Variants in KRTAP29-1 observed in about 807,000 individuals in gnomAD.
The protein encoded by KRTAP29-1 is keratin associated like protein 29-1.
For synonymous variants in KRTAP29-1, 142 were observed against 153.6 expected (o/e 0.92, Z 0.56); for missense variants, 419 against 412.1 (o/e 1.02, Z -0.14).
rs1478722078 is a variant in KRTAP29-1, at chr17:41,302,787, T to C, written c.65A>G (p.Tyr22Cys). 1 of 1,550,580 alleles carries C rather than the reference T, an allele frequency of 6.4e-7. No individual in the cohort carries two copies. The highest frequency in any genetic ancestry group is 2.4e-5 in the East Asian group (1 of 40,914). Residue 22 changes from tyrosine (Y) to cysteine (C), a missense_variant, in exon 1 of 1, where the codon TAC (tyrosine) becomes TGC (cysteine). Physicochemically the swap from Tyr to Cys is radical, Grantham distance 194 (BLOSUM62 -2). Transcript: ENST00000391353. ...ATGTCGAAATCCACCTTTAACTGGG[T>C]ATGTGGTGATGGTGGGCACAGCTGG... is the stretch of plus-strand genomic sequence containing the variant. ...AIPAVPTITT[Y>C]PVKGGFRHAL...
rs544481991 is a variant in KRTAP29-1, at chr17:41,302,436, C to G, written c.416G>C (p.Gly139Ala). 1 of 1,550,530 alleles carries G rather than the reference C, an allele frequency of 6.4e-7. No individual in the cohort carries two copies. Among genetic ancestry groups the G allele is most frequent in the South Asian group, 1.2e-5 (1 of 84,052 alleles). ...TTGGCCACAAGCTGCCTGACATGAT[C>G]CAGACATGCAGACAGATTCCTGGCA... Reference protein sequence around the residue: ...SSCQESVCMSGSCQAACGQSV... With the variant: ...SSCQESVCMSASCQAACGQSV... Residue 139 changes from glycine to alanine, a missense_variant, in exon 1 of 1, where the codon GGA becomes GCA. By Grantham distance (60) the Gly-to-Ala change is moderately conservative. Coordinates refer to ENST00000391353, the MANE Select transcript of KRTAP29-1 (RefSeq NM_001257309.1).
At position 41,302,478 on chromosome 17, in the gene KRTAP29-1, G is replaced by C. The variant is rs1421635309; in HGVS notation, c.374C>G (p.Pro125Arg). Residue 125 changes from proline (P) to arginine (R), a missense_variant, in exon 1 of 1, where the codon CCC becomes CGC. By Grantham distance (103) the Pro-to-Arg change is moderately radical. Coordinates refer to ENST00000391353, the MANE Select transcript of KRTAP29-1 (RefSeq NM_001257309.1). Reference protein sequence around the residue: ...CCQEKCCDASPCQQSSCQESV... With the variant: ...CCQEKCCDASRCQQSSCQESV... ...TTCCTGGCAGGAGCTTTGCTGGCAG[G>C]GACTGGCATCGCAGCACTTTTCCTG... is the stretch of plus-strand genomic sequence containing the variant. 1.9e-6 allele frequency: 3 copies of C among 1,550,378 alleles called. No individual in the cohort carries two copies. Among genetic ancestry groups the C allele is most frequent in the Non-Finnish European group, 2.6e-6 (3 of 1,146,950 alleles).
chr17:41,302,422 CT>C, the KRTAP29-1 span: 1 of 1,550,568 alleles, frequency 6.4e-7, no homozygotes, highest in South Asian at 1.2e-5. Context: ...TGGCCACAAG[CT>C]GCCTGACATG....
At position 41,302,031 on chromosome 17, in the gene KRTAP29-1, T is replaced by C; in HGVS notation, c.821A>G (p.Lys274Arg). 1 of 1,550,602 alleles carries C rather than the reference T, an allele frequency of 6.4e-7. No individual in the cohort carries two copies. Among genetic ancestry groups the C allele is most frequent in the South Asian group, 1.2e-5 (1 of 84,062 alleles). The change falls in exon 1 of 1, where the codon AAG becomes AGG. Residue 274 changes from lysine to arginine, a missense_variant. Transcript: ENST00000391353. ...ACAAGAAGCTGGTTTGCAACAGTTCTTTGTGGAACAAGGGGCCTGGCAGTT... is the reference window on the plus strand; with the variant it reads ...ACAAGAAGCTGGTTTGCAACAGTTCCTTGTGGAACAAGGGGCCTGGCAGTT... Reference protein sequence around the residue: ...VANCQAPCSTKNCCKPASCDT... With the variant: ...VANCQAPCSTRNCCKPASCDT...
Position 41,302,754 on chromosome 17 carries a change from C to G in KRTAP29-1, c.98G>C (p.Cys33Ser), listed in dbSNP as rs772527367. 3.2e-6 allele frequency: 5 copies of G among 1,550,684 alleles called. No homozygotes were observed. The highest frequency in any genetic ancestry group is 1.2e-5 in the South Asian group (1 of 84,060). The change falls in exon 1 of 1, where the codon TGT becomes TCT. Residue 33 changes from cysteine (C) to serine (S), a missense_variant. Physicochemically the swap from Cys to Ser is moderately radical, Grantham distance 112. Transcript: ENST00000391353. ...TCTGCTGTGGCAGGAACTAGGCAAA[C>G]AGAGAGCATGTCGAAATCCACCTTT... ...PVKGGFRHAL[C>S]LPSSCHSRMW...
In KRTAP29-1 at chr17:41,301,931, G is replaced by A. The variant is rs1213548070; in HGVS notation, c.921C>T (p.Cys307=). ...GTGATGTGCCTAAACCAGTCACACA[G>A]CAAGCTGATTTGCAGCCACTCTGGT... The part of the protein sequence containing the change: ...SYNQSGCKSA[C]CVTGLGTSPS... The change falls in exon 1 of 1, where the codon TGC becomes TGT. Residue 307 remains cysteine, a synonymous_variant. Transcript: ENST00000391353. 2 of 1,550,500 alleles carry A rather than the reference G, an allele frequency of 1.3e-6. No individual in the cohort carries two copies. Among genetic ancestry groups the A allele is most frequent in the Admixed American group, 3.9e-5 (2 of 50,996 alleles).
Position 41,302,025 on chromosome 17 carries a change from C to T in KRTAP29-1, c.827G>A (p.Cys276Tyr). 1.9e-6 allele frequency: 3 copies of T among 1,550,566 alleles called. No individual in the cohort carries two copies. The highest frequency in any genetic ancestry group is 8.7e-7 in the Non-Finnish European group (1 of 1,147,000). Residue 276 changes from cysteine to tyrosine, a missense_variant, in exon 1 of 1, where the codon TGT becomes TAT. Physicochemically the swap from Cys to Tyr is radical, Grantham distance 194 (BLOSUM62 -2). Coordinates refer to ENST00000391353, the MANE Select transcript of KRTAP29-1 (RefSeq NM_001257309.1). The part of the protein sequence containing the change: ...NCQAPCSTKN[C>Y]CKPASCDTVI... Reference sequence around the variant, plus strand: ...AGTGTCACAAGAAGCTGGTTTGCAACAGTTCTTTGTGGAACAAGGGGCCTG... The same window carrying T: ...AGTGTCACAAGAAGCTGGTTTGCAATAGTTCTTTGTGGAACAAGGGGCCTG...
At chr17:41,302,227 TG>T in the KRTAP29-1 span, 2 of 1,550,134 alleles carry the variant, frequency 1.3e-6, no homozygotes, top group Admixed American at 3.9e-5. Context: ...ATATAGCAGA[TG>T]GGTTGATAAT....
Position 41,302,192 on chromosome 17 carries a change from G to A in KRTAP29-1, c.660C>T (p.Leu220=). The change falls in exon 1 of 1, where the codon CTC becomes CTT. Residue 220 remains leucine (L), a synonymous_variant. Coordinates refer to ENST00000391353, the MANE Select transcript of KRTAP29-1 (RefSeq NM_001257309.1). The part of the protein sequence containing the change: ...CYIFKPCQSA[L]YMPVPCQPST... The stretch of plus-strand genomic sequence containing the variant: ...ATGGCTGGCAGGGAACAGGCATGTA[G>A]AGGGCTGATTGGCAAGGCTTGAAAA... 1 of 1,550,632 alleles carries A rather than the reference G, an allele frequency of 6.4e-7. No homozygotes were observed.
Position 41,302,411 on chromosome 17 carries a change from T to C in KRTAP29-1, c.441A>G (p.Gln147=), listed in dbSNP as rs1161381528. ...AGGATCCAGCATCACAGCAGACTGATTGGCCACAAGCTGCCTGACATGATC... is the reference window on the plus strand; with the variant it reads ...AGGATCCAGCATCACAGCAGACTGACTGGCCACAAGCTGCCTGACATGATC... ...MSGSCQAACG[Q]SVCCDAGSCQ... is the part of the protein sequence containing the mutation. Residue 147 remains glutamine, a synonymous_variant, in exon 1 of 1, where the codon CAA becomes CAG. Transcript: ENST00000391353. 2.6e-6 allele frequency: 4 copies of C among 1,550,380 alleles called. No individual in the cohort carries two copies. The highest frequency in any genetic ancestry group is 3.5e-6 in the Non-Finnish European group (4 of 1,146,974).
chr17:41,302,785 G>GGTAT, the KRTAP29-1 span: 1 of 1,550,808 alleles, frequency 6.4e-7, no homozygotes, highest in Non-Finnish European at 8.7e-7. Flanking sequence ...CCTTTAACTG[G>GGTAT]GTATGTGGTG....
Position 41,302,372 on chromosome 17 carries a change from G to A in KRTAP29-1, c.480C>T (p.Cys160=), listed in dbSNP as rs2016843544. The change falls in exon 1 of 1, where the codon TGC becomes TGT. Residue 160 remains cysteine (C), a synonymous_variant. Coordinates refer to ENST00000391353, the MANE Select transcript of KRTAP29-1 (RefSeq NM_001257309.1). ...CCDAGSCQPS[C]SEVTSCPETS... ...TTTCCGGACAGGAGGTCACTTCAGA[G>A]CAGGATGGCTGGCAGGATCCAGCAT... 1.9e-6 allele frequency: 3 copies of A among 1,550,500 alleles called. No homozygotes were observed. Among genetic ancestry groups the A allele is most frequent in the Non-Finnish European group, 2.6e-6 (3 of 1,146,980 alleles).
At position 41,301,970 on chromosome 17, in the gene KRTAP29-1, T is replaced by A; in HGVS notation, c.882A>T (p.Gly294=). 2 of 1,550,442 alleles carry A rather than the reference T, an allele frequency of 1.3e-6. No individual in the cohort carries two copies. Among genetic ancestry groups the A allele is most frequent in the East Asian group, 2.4e-5 (1 of 40,910 alleles). The part of the protein sequence containing the change: ...TVISGQPTCD[G]PPSYNQSGCK... ...AGCCACTCTGGTTATAGGAAGGGGG[T>A]CCATCACAAGTTGGTTGGCCAGAAA... The change falls in exon 1 of 1, where the codon GGA becomes GGT. Residue 294 remains glycine, a synonymous_variant. Transcript: ENST00000391353.
chr17:41,302,210 CT>C, the KRTAP29-1 span: 1 of 1,550,396 alleles, frequency 6.4e-7, no homozygotes, highest in Non-Finnish European at 8.7e-7. Flanking sequence ...ATTGGCAAGG[CT>C]TGAAAATATA....
At chr17:41,302,458 G>A in the KRTAP29-1 span, 1 of 1,550,464 alleles carries the variant, frequency 6.4e-7, no homozygotes, top group South Asian at 1.2e-5. Context: ...ACAGATTCCT[G>A]GCAGGAGCTT....
In KRTAP29-1 at chr17:41,302,235, T is replaced by C. The variant is rs1227828970; in HGVS notation, c.617A>G (p.Tyr206Cys). The C allele has an allele frequency of 6.4e-7, 1 of 1,550,452 alleles. No individual in the cohort carries two copies. The highest frequency in any genetic ancestry group is 2.0e-5 in the Admixed American group (1 of 50,990). ...CTTGAAAATATAGCAGATGGGTTGA[T>C]AATAAGTTGATTTACAGGGCTGGCC... ...GEGQPCKSTYYQPICYIFKPC... is the reference protein window; with the variant it reads ...GEGQPCKSTYCQPICYIFKPC... Residue 206 changes from tyrosine (Y) to cysteine (C), a missense_variant, in exon 1 of 1, where the codon TAT (tyrosine) becomes TGT (cysteine). Tyr to Cys is a radical substitution (Grantham distance 194). Transcript: ENST00000391353.
At position 41,302,349 on chromosome 17, in the gene KRTAP29-1, T is replaced by G; in HGVS notation, c.503A>C (p.Glu168Ala). Residue 168 changes from glutamate to alanine, a missense_variant, in exon 1 of 1, where the codon GAA (glutamate) becomes GCA (alanine). Transcript: ENST00000391353. ...PSCSEVTSCP[E>A]TSCLPTICTA... Reference sequence around the variant, plus strand: ...ACAGATGGTTGGTAGGCAAGAAGTTTCCGGACAGGAGGTCACTTCAGAGCA... The same window carrying G: ...ACAGATGGTTGGTAGGCAAGAAGTTGCCGGACAGGAGGTCACTTCAGAGCA... 6.4e-7 allele frequency: 1 copy of G among 1,550,458 alleles called. No homozygotes were observed. The highest frequency in any genetic ancestry group is 1.2e-5 in the South Asian group (1 of 84,054).
At position 41,302,034 on chromosome 17, in the gene KRTAP29-1, G is replaced by A; in HGVS notation, c.818C>T (p.Thr273Ile). The change falls in exon 1 of 1, where the codon ACA (threonine) becomes ATA (isoleucine). Residue 273 changes from threonine to isoleucine, a missense_variant. Coordinates refer to ENST00000391353, the MANE Select transcript of KRTAP29-1 (RefSeq NM_001257309.1). ...AGAAGCTGGTTTGCAACAGTTCTTT[G>A]TGGAACAAGGGGCCTGGCAGTTAGC... ...PVANCQAPCS[T>I]KNCCKPASCD... The A allele has an allele frequency of 1.9e-6, 3 of 1,550,634 alleles. No individual in the cohort carries two copies. Among genetic ancestry groups the A allele is most frequent in the South Asian group, 1.2e-5 (1 of 84,060 alleles).
At position 41,302,274 on chromosome 17, in the gene KRTAP29-1, G is replaced by T; in HGVS notation, c.578C>A (p.Pro193His). The T allele has an allele frequency of 6.4e-7, 1 of 1,550,546 alleles. No individual in the cohort carries two copies. Among genetic ancestry groups the T allele is most frequent in the East Asian group, 2.4e-5 (1 of 40,910 alleles). ...ACAGGGCTGGCCTTCACCACTGACG[G>T]GTTGACATGAACTTCCTTGGCACCA... Reference protein sequence around the residue: ...PTWCQGSSCQPVSGEGQPCKS... With the variant: ...PTWCQGSSCQHVSGEGQPCKS... Residue 193 changes from proline to histidine, a missense_variant, in exon 1 of 1, where the codon CCC becomes CAC. Pro to His is a moderately conservative substitution (Grantham distance 77, BLOSUM62 -2). Transcript: ENST00000391353.
Sources: gnomAD v4.1 joint callset for allele counts on GRCh38, gnomAD v4.1.1 for gene constraint, MANE v1.5 for transcripts, NCBI Gene and HGNC (gene_info 2026-07-23, HGNC 2026-07-21) for gene names.